Variants in AK9 observed in about 807,000 individuals in gnomAD.
AK9 encodes the protein adenylate kinase 9.
AK9 carries 191 observed loss-of-function variants against 239.6 expected under a neutral mutation model. The observed-to-expected ratio is 0.80, with a 90% CI of 0.71 to 0.90. AK9 has a LOEUF of 0.90. AK9 is among the 40% of genes least tolerant of loss of function. AK9 has a pLI of 0.00. For synonymous variants in AK9, 689 were observed against 721.0 expected (o/e 0.96, Z 0.71); for missense variants, 1,995 against 2,214.7 (o/e 0.90, Z 1.99).
chr6:109,500,937 GA>G (rs1777545135), intron 35 of AK9, among the ~76,000 whole-genome samples: 1 of 152,202 alleles, frequency 6.6e-6, no homozygotes, highest in South Asian at 2.1e-4. Context: ...AGGAACACTT[GA>G]GCTTGGGAGG....
Position 109,546,210 on chromosome 6 carries a change from G to A in AK9, c.2965-83C>T. ...GTTTTGAGTAATTTAGAACACATAA[G>A]ACTTATTAACTGCCCTCCCTAAGAT... On this transcript the variant is annotated intron_variant, in intron 25 of 40. Coordinates refer to ENST00000424296, the MANE Select transcript of AK9 (RefSeq NM_001145128.3). The A allele has an allele frequency of 6.9e-6, 9 of 1,313,392 alleles. No homozygotes were observed. The South Asian group carries it at 1.2e-4, about 17-fold the overall frequency. The allele number at this position is 1,313,392 out of a possible 1,614,324, so 81.4% of individuals were successfully genotyped here.
At chr6:109,551,255 T>C (rs1290041588) in intron 24 of AK9, among the ~76,000 whole-genome samples, 1 of 152,128 alleles carries the variant, frequency 6.6e-6, no homozygotes, top group Non-Finnish European at 1.5e-5. Flanking sequence ...CGGGGGCTCA[T>C]GCCTGTAATC....
Position 109,650,879 on chromosome 6 carries a change from C to T in AK9, c.759+5877G>A, listed in dbSNP as rs139667427. ...GGATTAAGAAAATGTGGCACACATA[C>T]ACCATGGAATACTACGCAGCCATAA... On this transcript the variant is annotated intron_variant, in intron 8 of 40. Coordinates refer to ENST00000424296, the MANE Select transcript of AK9 (RefSeq NM_001145128.3). 5.6e-3 allele frequency among the ~76,000 whole-genome samples: 856 copies of T among 152,298 alleles called. 9 individuals are homozygous for T. Among genetic ancestry groups the T allele is most frequent in the African/African-American group, 0.02 (826 of 41,556 alleles).
intron 1 of AK9, among the ~76,000 whole-genome samples, chr6:109,677,136 G>A (rs1583547479): frequency 1.4e-5 from 2 of 144,790 alleles, no homozygotes. Context: ...ACTACCTATT[G>A]GGTACTATGC....
intron 12 of AK9, among the ~76,000 whole-genome samples, chr6:109,622,337 A>C (rs1307478007): frequency 1.4e-5 from 2 of 143,130 alleles, no homozygotes; most frequent in Admixed American, 7.2e-5. Context: ...ATATGTATAT[A>C]CTATAGTCAT....
chr6:109,572,560 C>T lies in AK9; in HGVS notation c.2344+882G>A, dbSNP rs543525969. ...TATCTTTTTAAGTGAACAAACCAGCCTGGGGCTCTTAGATATGCATAATAC... is the reference window on the plus strand; with the variant it reads ...TATCTTTTTAAGTGAACAAACCAGCTTGGGGCTCTTAGATATGCATAATAC... On this transcript the variant is annotated intron_variant, in intron 21 of 40. Coordinates refer to ENST00000424296, the MANE Select transcript of AK9 (RefSeq NM_001145128.3). Among the ~76,000 whole-genome samples, 337 of 152,186 alleles carry T rather than the reference C, an allele frequency of 2.2e-3. 1 individual carries two copies. The highest frequency in any genetic ancestry group is 6.8e-3 in the Middle Eastern group (2 of 294).
rs144840549 is a variant in AK9, at chr6:109,670,840, C to T, written c.331+1079G>A. Among the ~76,000 whole-genome samples the T allele has an allele frequency of 3.5e-3, 538 of 152,102 alleles. 1 individual carries two copies. The highest frequency in any genetic ancestry group is 0.012 in the African/African-American group (496 of 41,518). On this transcript the variant is annotated intron_variant, in intron 5 of 40. Coordinates refer to ENST00000424296, the MANE Select transcript of AK9 (RefSeq NM_001145128.3). ...GCCTTCCATATTCTGGATATTTTGC[C>T]GTTCAGTCTCTTTATCACTGCTGAA...
chr6:109,678,406 G>C (rs955456184), intron 1 of AK9, among the ~76,000 whole-genome samples: 1 of 152,178 alleles, frequency 6.6e-6, no homozygotes, highest in Non-Finnish European at 1.5e-5. Context: ...CCACGGGTTA[G>C]CAGGGAGTAG....
At chr6:109,565,275 A>C (rs532129812) in intron 21 of AK9, among the ~76,000 whole-genome samples, 50 of 152,218 alleles carry the variant, frequency 3.3e-4, no homozygotes, top group African/African-American at 9.4e-4. Flanking sequence ...CCAGGAGTTC[A>C]AGACCAGCCT....
chr6:109,672,025 A>C lies in AK9; in HGVS notation c.235-10T>G. 6 of 1,613,604 alleles carry C rather than the reference A, an allele frequency of 3.7e-6. No individual in the cohort carries two copies. The highest frequency in any genetic ancestry group is 5.1e-6 in the Non-Finnish European group (6 of 1,179,604). On this transcript the variant is annotated splice_polypyrimidine_tract_variant and intron_variant, in intron 4 of 40. Coordinates refer to ENST00000424296, the MANE Select transcript of AK9 (RefSeq NM_001145128.3). The stretch of plus-strand genomic sequence containing the variant: ...TCAACATTGATTGCAACTAAGGACA[A>C]GCATAGATATTGTACATTACTGTAT...
chr6:109,631,198 C>T (rs992552810), intron 12 of AK9, among the ~76,000 whole-genome samples: 2 of 151,952 alleles, frequency 1.3e-5, no homozygotes, highest in Admixed American at 6.6e-5. Context: ...AATCATTCCT[C>T]ATTGAAACAA....
rs144508589 is a variant in AK9 at position 109,568,616 on chromosome 6, G to T, written c.2345-3771C>A. Among the ~76,000 whole-genome samples the T allele has an allele frequency of 3.8e-3, 577 of 152,240 alleles. 1 individual carries two copies. The highest frequency in any genetic ancestry group is 0.013 in the African/African-American group (558 of 41,528). On this transcript the variant is annotated intron_variant, in intron 21 of 40. Transcript: ENST00000424296. ...CAAAATCAATGTGCAAAAATCACAC[G>T]CATTCCTATACACCAATAACAGACA...
chr6:109,649,326 T>A (rs1280160562), intron 8 of AK9, among the ~76,000 whole-genome samples: 1 of 151,840 alleles, frequency 6.6e-6, no homozygotes, highest in Non-Finnish European at 1.5e-5. Flanking sequence ...ATGACATGAT[T>A]GCATATCTAG....
At chr6:109,639,499 GT>G (rs1282767649) in intron 10 of AK9, among the ~76,000 whole-genome samples, 5 of 150,254 alleles carry the variant, frequency 3.3e-5, no homozygotes, top group Admixed American at 3.3e-4. Context: ...TGATGGGGTT[GT>G]TTTTTTCTTG....
chr6:109,660,423 GGC>G (rs1361474905), intron 6 of AK9, among the ~76,000 whole-genome samples: 3 of 152,092 alleles, frequency 2.0e-5, no homozygotes, highest in Non-Finnish European at 4.4e-5. Context: ...TTCTGATGCT[GGC>G]AGTTCATGTA....
intron 27 of AK9, among the ~76,000 whole-genome samples, chr6:109,539,410 G>A (rs937798214): frequency 6.6e-6 from 1 of 152,242 alleles, no homozygotes; most frequent in East Asian, 1.9e-4. Flanking sequence ...ACTGAAGCTT[G>A]TGCATTCATC....
intron 29 of AK9, among the ~76,000 whole-genome samples, chr6:109,521,248 C>G (rs1218219137): frequency 6.6e-6 from 1 of 152,000 alleles, no homozygotes; most frequent in Non-Finnish European, 1.5e-5. Context: ...ACGGTAATCT[C>G]TTTTGACCCT....
chr6:109,674,360 C>T (rs1583535496), intron 2 of AK9, 99 bp from the exon 3 acceptor site: 1 of 757,156 alleles, frequency 1.3e-6, no homozygotes, highest in South Asian at 2.7e-5. Flanking sequence ...GTTACTATTA[C>T]ATCAATGTTA....
chr6:109,567,089 C>G (rs964761618), intron 21 of AK9, among the ~76,000 whole-genome samples: 3 of 152,038 alleles, frequency 2.0e-5, no homozygotes, highest in African/African-American at 7.3e-5. Flanking sequence ...CAGAGCAGAA[C>G]TGAAGGAGAT....
Sources: gnomAD v4.1 joint callset for allele counts (sites outside exome capture counted in the v4.1 genomes callset) on GRCh38, gnomAD v4.1.1 for gene constraint, MANE v1.5 for transcripts, NCBI Gene and HGNC (gene_info 2026-07-23, HGNC 2026-07-21) for gene names.